PLCXD3: variants seen among roughly 807,000 people sequenced by gnomAD.
PLCXD3 encodes the protein PI-PLC X domain-containing protein 3.
PLCXD3 carries 19 observed loss-of-function variants against 25.5 expected under a neutral mutation model. The observed-to-expected ratio is 0.75, with a 90% confidence interval of 0.52 to 1.09. The LOEUF is 1.09. Ranked by LOEUF, PLCXD3 falls within the 50% of genes least tolerant of loss-of-function variation. The pLI, the probability that PLCXD3 is intolerant of heterozygous loss-of-function variation, is 0.00. For synonymous variants in PLCXD3, 174 were observed against 137.6 expected (o/e 1.26, Z -1.85); for missense variants, 411 against 388.1 (o/e 1.06, Z -0.50).
At chr5:41,349,606 A>G (rs1021114805) in intron 2 of PLCXD3, among the ~76,000 whole-genome samples, 1 of 152,276 alleles carries the variant, frequency 6.6e-6, no homozygotes, top group African/African-American at 2.4e-5. Flanking sequence ...AGCATTCCAC[A>G]CTTTCCCCTC....
At chr5:41,486,260 A>AAT (rs1748515687) in intron 1 of PLCXD3, among the ~76,000 whole-genome samples, 2 of 151,504 alleles carry the variant, frequency 1.3e-5, no homozygotes. Flanking sequence ...TATCTCTGTC[A>AAT]ATATATATTA....
chr5:41,378,540 A>G (rs552133966), intron 2 of PLCXD3, among the ~76,000 whole-genome samples: 1 of 152,200 alleles, frequency 6.6e-6, no homozygotes, highest in South Asian at 2.1e-4. Flanking sequence ...ACTATTCCAG[A>G]TACATAAGCT....
At chr5:41,449,688 T>G (rs754162847) in intron 1 of PLCXD3, among the ~76,000 whole-genome samples, 5 of 152,218 alleles carry the variant, frequency 3.3e-5, no homozygotes, top group Non-Finnish European at 5.9e-5. Context: ...TAGGACATAC[T>G]ATAGGAGTGC....
intron 2 of PLCXD3, among the ~76,000 whole-genome samples, chr5:41,326,115 C>A (rs1017850905): frequency 1.3e-5 from 2 of 152,148 alleles, no homozygotes; most frequent in Non-Finnish European, 2.9e-5. Flanking sequence ...ACATTTGGAT[C>A]ACAGCAAAGA....
intron 1 of PLCXD3, among the ~76,000 whole-genome samples, chr5:41,395,943 A>G (rs1745989401): frequency 6.6e-6 from 1 of 151,972 alleles, no homozygotes; most frequent in Non-Finnish European, 1.5e-5. Context: ...AAAATTTCCA[A>G]ACTCATTCTA....
At chr5:41,425,476 C>T (rs1464760440) in intron 1 of PLCXD3, among the ~76,000 whole-genome samples, 4 of 152,152 alleles carry the variant, frequency 2.6e-5, no homozygotes, top group African/African-American at 9.7e-5. Context: ...TGTATTGACA[C>T]CTTATTATCA....
chr5:41,404,311 T>C lies in PLCXD3; in HGVS notation c.104-21777A>G, dbSNP rs796805673. The stretch of plus-strand genomic sequence containing the variant: ...ACAAGTGGAACCATGTGGAACCATG[T>C]TAATGAAAGTCCTATAAAAGTACTA... On this transcript the variant is annotated intron_variant, in intron 1 of 2. Transcript: ENST00000377801. Among the ~76,000 whole-genome samples, 11 of 152,274 alleles carry C rather than the reference T, an allele frequency of 7.2e-5. 1 individual carries two copies. Among genetic ancestry groups the C allele is most frequent in the African/African-American group, 2.6e-4 (11 of 41,574 alleles).
intron 1 of PLCXD3, among the ~76,000 whole-genome samples, chr5:41,471,943 C>T (rs1480767083): frequency 8.6e-5 from 4 of 46,448 alleles, no homozygotes; most frequent in Non-Finnish European, 1.2e-4. Context: ...TTCCCCTCCC[C>T]TCCCTTCCCT....
At chr5:41,508,587 A>G (rs926379004) in intron 1 of PLCXD3, among the ~76,000 whole-genome samples, 3 of 152,226 alleles carry the variant, frequency 2.0e-5, no homozygotes, top group Non-Finnish European at 4.4e-5. Flanking sequence ...GGCTTTGAAA[A>G]GTGAAATATT....
chr5:41,321,822 A>G (rs185970301), intron 2 of PLCXD3, among the ~76,000 whole-genome samples: 158 of 152,364 alleles, frequency 1.0e-3, no homozygotes, highest in African/African-American at 3.2e-3. Context: ...CACACTGGGG[A>G]AAAGACAGTA....
chr5:41,487,126 A>G (rs1748537672), intron 1 of PLCXD3, among the ~76,000 whole-genome samples: 1 of 152,214 alleles, frequency 6.6e-6, no homozygotes, highest in African/African-American at 2.4e-5. Flanking sequence ...AAATATAGAA[A>G]TAAGAAATGT....
At chr5:41,346,974 A>T (rs1744318803) in intron 2 of PLCXD3, among the ~76,000 whole-genome samples, 1 of 152,222 alleles carries the variant, frequency 6.6e-6, no homozygotes, top group African/African-American at 2.4e-5. Context: ...ATCCACGTGC[A>T]GGTTTTTGTA....
chr5:41,324,012 C>A (rs1033855343), intron 2 of PLCXD3, among the ~76,000 whole-genome samples: 3 of 152,034 alleles, frequency 2.0e-5, no homozygotes, highest in African/African-American at 7.3e-5. Flanking sequence ...CAGAGAGCTG[C>A]TCAGAAGTCA....
chr5:41,357,672 T>C (rs1744656859), intron 2 of PLCXD3, among the ~76,000 whole-genome samples: 1 of 152,232 alleles, frequency 6.6e-6, no homozygotes, highest in Non-Finnish European at 1.5e-5. Context: ...AGCAAGTCTA[T>C]ATTGTAATGT....
intron 1 of PLCXD3, among the ~76,000 whole-genome samples, chr5:41,475,397 G>T (rs1351331144): frequency 6.6e-6 from 1 of 152,118 alleles, no homozygotes; most frequent in Non-Finnish European, 1.5e-5. Flanking sequence ...GCTGGCTTCT[G>T]CTAGTCTCTA....
At chr5:41,338,504 C>G (rs1054713508) in intron 2 of PLCXD3, among the ~76,000 whole-genome samples, 1 of 152,032 alleles carries the variant, frequency 6.6e-6, no homozygotes, top group African/African-American at 2.4e-5. Flanking sequence ...ACTTGGTGTT[C>G]TACAGAACAC....
rs377065100 is a variant in PLCXD3 at position 41,382,119 on chromosome 5, C to T, written c.519G>A (p.Ala173=). ...TTAAACTAACTTCCTGGGCAAAAATCGCTGGGCACATTTTATTTCCATAGA... is the reference window on the plus strand; with the variant it reads ...TTAAACTAACTTCCTGGGCAAAAATTGCTGGGCACATTTTATTTCCATAGA... The part of the protein sequence containing the change: ...KDIYGNKMCP[A]IFAQEVSLKY... Residue 173 remains alanine (A), a synonymous_variant, in exon 2 of 3, where the codon GCG becomes GCA. Coordinates refer to ENST00000377801, the MANE Select transcript of PLCXD3 (RefSeq NM_001005473.3). 9.3e-6 allele frequency: 15 copies of T among 1,613,708 alleles called. No individual in the cohort carries two copies. The highest frequency in any genetic ancestry group is 3.3e-4 in the Middle Eastern group (2 of 6,054).
chr5:41,502,416 C>T (rs1308660731), intron 1 of PLCXD3, among the ~76,000 whole-genome samples: 3 of 151,734 alleles, frequency 2.0e-5, no homozygotes, highest in African/African-American at 7.3e-5. Flanking sequence ...GTGATTTAAC[C>T]TTTTCTTGAT....
chr5:41,357,597 C>T (rs1358391934), intron 2 of PLCXD3, among the ~76,000 whole-genome samples: 1 of 152,210 alleles, frequency 6.6e-6, no homozygotes, highest in African/African-American at 2.4e-5. Flanking sequence ...CAGTGCTTCT[C>T]AAACTTGACG....
Sources: gnomAD v4.1 joint callset for allele counts (sites outside exome capture counted in the v4.1 genomes callset) on GRCh38, gnomAD v4.1.1 for gene constraint, MANE v1.5 for transcripts, NCBI Gene and HGNC (gene_info 2026-07-23, HGNC 2026-07-21) for gene names.